The following ADHFE1 variants were observed in gnomAD, a reference collection of about 807,000 sequenced individuals.
ADHFE1 encodes the protein alcohol dehydrogenase iron containing 1, also known as hydroxyacid-oxoacid transhydrogenase, mitochondrial.
A neutral mutation model predicts 54.8 loss-of-function variants in ADHFE1; 37 were observed. The observed-to-expected ratio is 0.68, with a 90% CI of 0.52 to 0.89. The LOEUF is 0.89. Ranked by LOEUF, ADHFE1 falls within the 40% of genes least tolerant of loss-of-function variation. ADHFE1 has a pLI of 0.00. For synonymous variants in ADHFE1, 203 were observed against 229.3 expected (o/e 0.89, Z 1.04); for missense variants, 601 against 591.2 (o/e 1.02, Z -0.17).
intron 4 of ADHFE1, 60 bp from the exon 5 acceptor site, chr8:66,444,534 G>A: frequency 1.9e-6 from 3 of 1,609,342 alleles, no homozygotes; most frequent in Non-Finnish European, 2.5e-6. Flanking sequence ...ACGTGAGTTT[G>A]CCAGAAGAGT....
At position 66,456,888 on chromosome 8, in the gene ADHFE1, C is replaced by A; in HGVS notation, c.1058C>A (p.Pro353Gln). 1 of 1,540,168 alleles carries A rather than the reference C, an allele frequency of 6.5e-7. No individual in the cohort carries two copies. Among genetic ancestry groups the A allele is most frequent in the Non-Finnish European group, 8.7e-7 (1 of 1,148,634 alleles). The change falls in exon 11 of 14, where the codon CCA (proline) becomes CAA (glutamine). Residue 353 changes from proline (P) to glutamine (Q), a missense_variant. Transcript: ENST00000396623. ...YKAKDYNVDH[P>Q]LVPHGLSVVL... is the part of the protein sequence containing the mutation. ...GCAAAGGATTACAATGTGGATCACC[C>A]ACTGGTGGTAAAATCATAAGAATAA...
At chr8:66,447,592 C>T (rs1297408832) in intron 7 of ADHFE1, among the ~76,000 whole-genome samples, 1 of 152,110 alleles carries the variant, frequency 6.6e-6, no homozygotes, top group Non-Finnish European at 1.5e-5. Flanking sequence ...GATCATCACA[C>T]TTTCTATGTA....
intron 6 of ADHFE1, among the ~76,000 whole-genome samples, chr8:66,447,025 TTACA>T (rs1354615131): frequency 4.6e-5 from 7 of 152,194 alleles, no homozygotes; most frequent in Admixed American, 6.5e-5. Context: ...CACATTGGAC[TTACA>T]TGCATGATAA....
intron 6 of ADHFE1, among the ~76,000 whole-genome samples, chr8:66,446,710 A>G (rs1439871388): frequency 5.3e-5 from 8 of 152,240 alleles, no homozygotes; most frequent in South Asian, 2.1e-4. Context: ...GCAGACACAT[A>G]CATGCATATT....
At chr8:66,436,219 G>T (rs1392041880) in intron 1 of ADHFE1, among the ~76,000 whole-genome samples, 1 of 152,068 alleles carries the variant, frequency 6.6e-6, no homozygotes, top group Non-Finnish European at 1.5e-5. Flanking sequence ...GCCCAGCCAG[G>T]ATTCTTAATC....
chr8:66,442,661 A>G, intron 2 of ADHFE1, 137 bp from the exon 3 acceptor site: 1 of 751,064 alleles, frequency 1.3e-6, no homozygotes, highest in Non-Finnish European at 2.2e-6. Flanking sequence ...TTGATGTGCA[A>G]CAGTGAAACC....
chr8:66,459,425 TATA>T (rs1266233614), intron 12 of ADHFE1: 10 of 107,844 alleles, frequency 9.3e-5, no homozygotes, highest in African/African-American at 3.3e-4. Context: ...TATATATATA[TATA>T]TATTTTTTTT....
chr8:66,458,848 G>T (rs1337594367), intron 12 of ADHFE1, among the ~76,000 whole-genome samples: 2 of 152,122 alleles, frequency 1.3e-5, no homozygotes, highest in African/African-American at 4.8e-5. Flanking sequence ...AAAATGCAGA[G>T]ATTTCGATGG....
chr8:66,466,318 T>C (rs562328205), intron 13 of ADHFE1, among the ~76,000 whole-genome samples: 3 of 149,988 alleles, frequency 2.0e-5, no homozygotes, highest in African/African-American at 7.3e-5. Flanking sequence ...ACTCCTGACC[T>C]CAAGTGATCC....
At chr8:66,450,589 T>C (rs1195579961) in intron 8 of ADHFE1, among the ~76,000 whole-genome samples, 1 of 152,266 alleles carries the variant, frequency 6.6e-6, no homozygotes, top group Non-Finnish European at 1.5e-5. Context: ...AAGACTCTGA[T>C]GTCTGCTTAG....
intron 1 of ADHFE1, among the ~76,000 whole-genome samples, chr8:66,436,920 G>A (rs940302134): frequency 2.6e-5 from 4 of 152,150 alleles, no homozygotes; most frequent in African/African-American, 9.7e-5. Context: ...AGGAAGGAGG[G>A]AGTGAACAGG....
Position 66,442,391 on chromosome 8 carries a change from A to G in ADHFE1, c.98-407A>G, listed in dbSNP as rs568219907. Among the ~76,000 whole-genome samples, 13 of 150,840 alleles carry G rather than the reference A, an allele frequency of 8.6e-5. No individual in the cohort carries two copies. The East Asian group carries it at 2.5e-3, about 29-fold the overall frequency. Reference sequence around the variant, plus strand: ...AGTGGCGCGATCTCGGCTCACTGCAAGCTCCACCTCCCAGGTTCACACCAT... The same window carrying G: ...AGTGGCGCGATCTCGGCTCACTGCAGGCTCCACCTCCCAGGTTCACACCAT... On this transcript the variant is annotated intron_variant, in intron 2 of 13. Coordinates refer to ENST00000396623, the MANE Select transcript of ADHFE1 (RefSeq NM_144650.3).
rs1162233903 is a variant in ADHFE1, at chr8:66,445,431, T to C, written c.550+17T>C. On this transcript the variant is annotated intron_variant, in intron 6 of 13. Transcript: ENST00000396623. ...TGATTGCAGGTAAAGACTGTTTATT[T>C]CTTTGTTTGTTTTATTTTGCAATGA... The C allele has an allele frequency of 1.2e-5, 19 of 1,584,876 alleles. No homozygotes were observed. The highest frequency in any genetic ancestry group is 1.5e-5 in the Non-Finnish European group (18 of 1,168,956).
Position 66,439,090 on chromosome 8 carries a change from A to C in ADHFE1, c.60-1072A>C. 1.4e-6 allele frequency: 1 copy of C among 711,640 alleles called. No individual in the cohort carries two copies. Among genetic ancestry groups the C allele is most frequent in the Non-Finnish European group, 1.7e-6 (1 of 580,274 alleles). The allele number at this position is 711,640 out of a possible 1,614,324, so 44.1% of individuals were successfully genotyped here. The stretch of plus-strand genomic sequence containing the variant: ...CCCGGCGCGCGCGTCGGGAACCACT[A>C]GATGGCAGCCGCGACTCGCGCCAGC... On this transcript the variant is annotated intron_variant, in intron 1 of 13. Transcript: ENST00000396623. This position sits in a 1 kb window ranked among gnomAD's most constrained non-coding sequence, Gnocchi z 4.4.
Position 66,456,869 on chromosome 8 carries a change from G to A in ADHFE1, c.1039G>A (p.Asp347Asn), listed in dbSNP as rs777917145. 3.5e-5 allele frequency: 56 copies of A among 1,585,068 alleles called. No individual in the cohort carries two copies. The highest frequency in any genetic ancestry group is 4.6e-5 in the Non-Finnish European group (54 of 1,169,160). The change falls in exon 11 of 14, where the codon GAT becomes AAT. Residue 347 changes from aspartate to asparagine, a missense_variant. Coordinates refer to ENST00000396623, the MANE Select transcript of ADHFE1 (RefSeq NM_144650.3). ...TTTAGTGAAGATGTATAAAGCAAAG[G>A]ATTACAATGTGGATCACCCACTGGT... Reference protein sequence around the residue: ...SGLVKMYKAKDYNVDHPLVPH... With the variant: ...SGLVKMYKAKNYNVDHPLVPH...
intron 6 of ADHFE1, among the ~76,000 whole-genome samples, chr8:66,446,589 C>T (rs891844111): frequency 6.6e-6 from 1 of 152,196 alleles, no homozygotes; most frequent in Non-Finnish European, 1.5e-5. Flanking sequence ...GTACAGAGAT[C>T]ACATGCACAT....
chr8:66,468,260 C>CCCT lies in ADHFE1; in HGVS notation c.1321-9_1321-8insCCT, dbSNP rs1807306187. On this transcript the variant is annotated splice_polypyrimidine_tract_variant and intron_variant, in intron 13 of 13. Transcript: ENST00000396623. ...AGCCCTGGGTAACTTCTTTCATTTACTGTTTCAGGAAAGGGTCACCAAGCT... is the reference window on the plus strand; with the variant it reads ...AGCCCTGGGTAACTTCTTTCATTTACCCTTGTTTCAGGAAAGGGTCACCAAGCT... 1 of 1,606,978 alleles carries CCCT rather than the reference C, an allele frequency of 6.2e-7. No individual in the cohort carries two copies. Among genetic ancestry groups the CCCT allele is most frequent in the Non-Finnish European group, 8.5e-7 (1 of 1,177,134 alleles).
At chr8:66,434,643 C>T (rs912293430) in intron 1 of ADHFE1, among the ~76,000 whole-genome samples, 4 of 152,196 alleles carry the variant, frequency 2.6e-5, no homozygotes, top group Non-Finnish European at 5.9e-5. Flanking sequence ...TGATGTGTGG[C>T]CATTTCTATT....
chr8:66,452,226 G>A, intron 9 of ADHFE1, 121 bp downstream of exon 9: 1 of 1,346,662 alleles, frequency 7.4e-7, no homozygotes, highest in Non-Finnish European at 9.9e-7. Context: ...AGCAGTCAGT[G>A]GATGCGCAGA....
Sources: allele counts gnomAD v4.1 joint callset (sites outside exome capture counted in the v4.1 genomes callset), GRCh38; gene constraint gnomAD v4.1.1; non-coding constraint Gnocchi (gnomAD v3.1); transcripts MANE v1.5; gene names NCBI Gene and HGNC (gene_info 2026-07-23, HGNC 2026-07-21).